ZNF701: variants seen among roughly 807,000 people sequenced by gnomAD.
The protein encoded by ZNF701 is zinc finger protein 701.
ZNF701 carries 6 observed loss-of-function variants against 7.1 expected under a neutral mutation model. The ratio of observed to expected loss-of-function variants is 0.84; its 90% CI spans 0.46 to 1.66. ZNF701 has a LOEUF of 1.66. Among genes scored for constraint, ZNF701 ranks in the 40% most tolerant of loss-of-function variants. ZNF701 has a pLI of 0.01. For missense variants in ZNF701, 541 were observed against 559.2 expected, an observed-to-expected ratio of 0.97 and a Z score of 0.33; for synonymous variants, 166 against 188.2, an observed-to-expected ratio of 0.88 and a Z score of 0.97.
At position 52,587,073 on chromosome 19, in the gene ZNF701, G is replaced by A. The variant is rs1568509460; in HGVS notation, c.*3616G>A. On this transcript the variant is annotated 3_prime_UTR_variant, in exon 4 of 4. Coordinates refer to ENST00000391785, the MANE Select transcript of ZNF701 (RefSeq NM_018260.3). ...AAACCCCCAAACACATTCCCTTACAGTCCTACACATCTCAGATGAGGGTGA... is the reference window on the plus strand; with the variant it reads ...AAACCCCCAAACACATTCCCTTACAATCCTACACATCTCAGATGAGGGTGA... The A allele has an allele frequency of 6.6e-6, 1 of 152,082 alleles. No homozygotes were observed. The highest frequency in any genetic ancestry group is 6.6e-5 in the Admixed American group (1 of 15,250). 9.4% of individuals were successfully genotyped at this position (152,082 alleles called of 1,614,324 possible). A position where few individuals can be genotyped will look rare whatever the true frequency, so the allele number is the denominator to read the frequency against.
Position 52,582,427 on chromosome 19 carries a change from C to T in ZNF701, c.368C>T (p.Thr123Ile), listed in dbSNP as rs755591698. 8.1e-6 allele frequency: 13 copies of T among 1,614,058 alleles called. No individual in the cohort carries two copies. The South Asian group carries it at 1.2e-4, about 15-fold the overall frequency. Residue 123 changes from threonine to isoleucine, a missense_variant, in exon 4 of 4, where the codon ACA (threonine) becomes ATA (isoleucine). Coordinates refer to ENST00000391785, the MANE Select transcript of ZNF701 (RefSeq NM_018260.3). ...AAAACCAAAAAGTTGATGAGTAGTA[C>T]AGAGCGACATGATCAAAGGCATGCT... ...MTKTKKLMSS[T>I]ERHDQRHAGN...
At chr19:52,575,227 C>G (rs555461325) in intron 2 of ZNF701, among the ~76,000 whole-genome samples, 35 of 152,260 alleles carry the variant, frequency 2.3e-4, no homozygotes, top group South Asian at 1.5e-3. Context: ...CCTCAGCCCC[C>G]CAAAGTGCTG....
At chr19:52,590,059 G>T (rs898229204), downstream of ZNF701, among the ~76,000 whole-genome samples, 1 of 141,414 alleles carries the variant, frequency 7.1e-6, no homozygotes, top group Non-Finnish European at 1.5e-5. Context: ...CTCCCAAAGT[G>T]CAGGGATTTC....
At chr19:52,596,647 A>G in the ZNF701 span, 3 of 444,884 alleles carry the variant, frequency 6.7e-6, no homozygotes, top group Non-Finnish European at 1.4e-5. Flanking sequence ...GTTTTCCACC[A>G]TGATTTATGC....
At chr19:52,592,186 A>G in the ZNF701 span, 2 of 1,567,478 alleles carry the variant, frequency 1.3e-6, no homozygotes, top group East Asian at 2.2e-5. Flanking sequence ...GGCTTTATAC[A>G]GGGAAGTGAT....
chr19:52,583,344 C>T lies in ZNF701; in HGVS notation c.1285C>T (p.Arg429Cys), dbSNP rs769775917. ...TCACAAATCAAACCTTGCATGTCATCGTAGACTTCATACTGGAGAGAAACC... is the reference window on the plus strand; with the variant it reads ...TCACAAATCAAACCTTGCATGTCATTGTAGACTTCATACTGGAGAGAAACC... The part of the protein sequence containing the change: ...FNHKSNLACH[R>C]RLHTGEKPYK... The change falls in exon 4 of 4, where the codon CGT becomes TGT. Residue 429 changes from arginine (R) to cysteine (C), a missense_variant. Arg to Cys is a radical substitution (Grantham distance 180). Transcript: ENST00000391785. 55 of 1,603,352 alleles carry T rather than the reference C, an allele frequency of 3.4e-5. No homozygotes were observed. The East Asian group carries it at 4.5e-4, about 13-fold the overall frequency.
At chr19:52,596,219 A>G in the ZNF701 span, 3 of 551,666 alleles carry the variant, frequency 5.4e-6, no homozygotes, top group East Asian at 1.1e-4. Context: ...TGTATGTGGC[A>G]AAGTCTTTCA....
chr19:52,576,136 T>G (rs2059932925), intron 3 of ZNF701, 115 bp downstream of exon 3: 2 of 1,576,570 alleles, frequency 1.3e-6, no homozygotes, highest in Admixed American at 1.9e-5. Context: ...CCGTATTGAG[T>G]TAGAAATGAA....
chr19:52,591,012 G>A (rs763845882), downstream of ZNF701, among the ~76,000 whole-genome samples: 6 of 151,958 alleles, frequency 3.9e-5, no homozygotes, highest in Non-Finnish European at 5.9e-5. Flanking sequence ...GCTAATTTTT[G>A]TATTTTTAAT....
intron 2 of ZNF701, among the ~76,000 whole-genome samples, chr19:52,574,447 G>T (rs142146913): frequency 4.0e-4 from 61 of 152,330 alleles, no homozygotes; most frequent in African/African-American, 1.4e-3. Context: ...CTGTTGGGCA[G>T]CAGGGATTGT....
At chr19:52,588,006 C>T (rs200821051), downstream of ZNF701, among the ~76,000 whole-genome samples, 98 of 152,274 alleles carry the variant, frequency 6.4e-4, no homozygotes, top group Middle Eastern at 0.014. Flanking sequence ...GCATCGTGTG[C>T]GTGGACTTTT....
chr19:52,588,484 CAAAA>C (rs376707736), downstream of ZNF701: 18 of 156,910 alleles, frequency 1.1e-4, no homozygotes, highest in East Asian at 4.0e-4. Context: ...GACACCATCT[CAAAA>C]AAAAAAAAAA....
At chr19:52,574,265 G>A (rs1350708893) in intron 2 of ZNF701, 103 bp downstream of exon 2, 1 of 1,536,200 alleles carries the variant, frequency 6.5e-7, no homozygotes, top group Non-Finnish European at 9.0e-7. Flanking sequence ...TGCCTGACAG[G>A]TTTGCTCACA....
At chr19:52,571,783 AGGCT>A in intron 1 of ZNF701, among the ~76,000 whole-genome samples, 1 of 150,656 alleles carries the variant, frequency 6.6e-6, no homozygotes. Context: ...CTTGTTGCCC[AGGCT>A]GGAGTGCAAT....
At chr19:52,593,381 C>T in the ZNF701 span, among the ~76,000 whole-genome samples, 15 of 114,532 alleles carry the variant, frequency 1.3e-4, 4 homozygotes, top group East Asian at 9.2e-4. Flanking sequence ...CCTCACCTCC[C>T]GGATGGGGCG....
At chr19:52,596,902 A>T in the ZNF701 span, 2 of 558,392 alleles carry the variant, frequency 3.6e-6, no homozygotes, top group South Asian at 1.4e-5. Context: ...CAGAGAGTTT[A>T]TACTGGAGAG....
At chr19:52,597,645 T>C in the ZNF701 span, 9 of 340,880 alleles carry the variant, frequency 2.6e-5, no homozygotes, top group African/African-American at 1.7e-4. Context: ...GCTATGAGAG[T>C]GTGTAGGTGG....
downstream of ZNF701, among the ~76,000 whole-genome samples, chr19:52,590,593 A>G (rs2060033227): frequency 6.6e-6 from 1 of 152,004 alleles, no homozygotes; most frequent in Non-Finnish European, 1.5e-5. Flanking sequence ...TGAGTTTCCA[A>G]CATTGTTTGG....
At chr19:52,580,365 C>T (rs1399430298) in intron 3 of ZNF701, among the ~76,000 whole-genome samples, 1 of 152,028 alleles carries the variant, frequency 6.6e-6, no homozygotes, top group Non-Finnish European at 1.5e-5. Context: ...ACTGGGATTA[C>T]AGGTACCCAC....
Sources: allele counts gnomAD v4.1 joint callset (sites outside exome capture counted in the v4.1 genomes callset), GRCh38; gene constraint gnomAD v4.1.1; transcripts MANE v1.5; gene names NCBI Gene and HGNC (gene_info 2026-07-23, HGNC 2026-07-21).